Variants in NT5DC1 observed in about 807,000 individuals in gnomAD.
NT5DC1 encodes 5'-nucleotidase domain containing 1.
A neutral mutation model predicts 59.4 loss-of-function variants in NT5DC1; 42 were observed. That is an observed-to-expected ratio of 0.71 (90% CI 0.55 to 0.92). The LOEUF (loss-of-function observed/expected upper bound fraction) is 0.92, where lower values mean the gene tolerates loss of function less well. Ranked by LOEUF, NT5DC1 falls within the 40% of genes least tolerant of loss-of-function variation. The pLI, the probability that NT5DC1 is intolerant of heterozygous loss-of-function variation, is 0.00. For synonymous variants in NT5DC1, 172 were observed against 188.1 expected, an observed-to-expected ratio of 0.91 and a Z score of 0.70; for missense variants, 501 against 537.1, an observed-to-expected ratio of 0.93 and a Z score of 0.66.
At chr6:116,157,373 G>T (rs950437257) in intron 6 of NT5DC1, among the ~76,000 whole-genome samples, 1 of 152,178 alleles carries the variant, frequency 6.6e-6, no homozygotes, top group Admixed American at 6.5e-5. Flanking sequence ...CCTTATTACA[G>T]TCTTTGGCCA....
rs530446914 is a variant in NT5DC1 at position 116,131,372 on chromosome 6, G to T, written c.529+13427G>T. 6.6e-5 allele frequency among the ~76,000 whole-genome samples: 10 copies of T among 152,182 alleles called. 1 individual carries two copies. The South Asian group carries it at 2.1e-3, about 32-fold the overall frequency. ...GTAACTATTTTTAAAACATTGTTTT[G>T]ATTTATCCTTTTTATTAAAAAATGT... On this transcript the variant is annotated intron_variant, in intron 6 of 11. Coordinates refer to ENST00000319550, the MANE Select transcript of NT5DC1 (RefSeq NM_152729.3).
At chr6:116,186,020 C>G (rs935594364) in intron 6 of NT5DC1, among the ~76,000 whole-genome samples, 1 of 151,982 alleles carries the variant, frequency 6.6e-6, no homozygotes, top group Non-Finnish European at 1.5e-5. Flanking sequence ...GGATTTCTTT[C>G]AAGATTTAGA....
At chr6:116,199,132 C>T (rs991813886) in intron 6 of NT5DC1, among the ~76,000 whole-genome samples, 4 of 151,974 alleles carry the variant, frequency 2.6e-5, no homozygotes, top group African/African-American at 9.7e-5. Flanking sequence ...GGAGCTAAAT[C>T]ACCCTCAGTC....
At chr6:116,209,306 G>A (rs1781525774) in intron 6 of NT5DC1, among the ~76,000 whole-genome samples, 1 of 151,894 alleles carries the variant, frequency 6.6e-6, no homozygotes, top group Non-Finnish European at 1.5e-5. Context: ...CTTGTGGGCT[G>A]TGGTTTGCCA....
chr6:116,230,868 A>C (rs1349318436), intron 8 of NT5DC1, among the ~76,000 whole-genome samples: 1 of 152,140 alleles, frequency 6.6e-6, no homozygotes, highest in Non-Finnish European at 1.5e-5. Flanking sequence ...TCTTTAGCAC[A>C]ATTCCAACAA....
chr6:116,118,612 T>C (rs1779014742), intron 6 of NT5DC1, among the ~76,000 whole-genome samples: 1 of 152,208 alleles, frequency 6.6e-6, no homozygotes, highest in African/African-American at 2.4e-5. Flanking sequence ...TAAAATGTAA[T>C]TCAAGCCATC....
At chr6:116,204,751 A>C (rs191109587) in intron 6 of NT5DC1, among the ~76,000 whole-genome samples, 85 of 152,138 alleles carry the variant, frequency 5.6e-4, no homozygotes, top group Admixed American at 1.8e-3. Flanking sequence ...GTTAAAAAGA[A>C]TGAAGCGTTT....
chr6:116,190,315 G>A lies in NT5DC1; in HGVS notation c.530-30739G>A, dbSNP rs186903892. Among the ~76,000 whole-genome samples the A allele has an allele frequency of 1.6e-3, 236 of 151,912 alleles. 1 individual carries two copies. The highest frequency in any genetic ancestry group is 4.3e-3 in the Admixed American group (66 of 15,226). ...AATACTGTCTTTTTCCTTAAAAAATGAGATTATTACCATATGATAAAAGGA... is the reference window on the plus strand; with the variant it reads ...AATACTGTCTTTTTCCTTAAAAAATAAGATTATTACCATATGATAAAAGGA... On this transcript the variant is annotated intron_variant, in intron 6 of 11. Transcript: ENST00000319550.
At chr6:116,112,684 G>C (rs1038884362) in intron 4 of NT5DC1, among the ~76,000 whole-genome samples, 2 of 152,102 alleles carry the variant, frequency 1.3e-5, no homozygotes, top group African/African-American at 4.8e-5. Flanking sequence ...TGTTGTATCT[G>C]GTGTTTCACC....
intron 6 of NT5DC1, among the ~76,000 whole-genome samples, chr6:116,202,422 C>CT (rs1582870946): frequency 2.6e-5 from 4 of 152,050 alleles, no homozygotes; most frequent in African/African-American, 2.4e-5. Context: ...TCGCCATACT[C>CT]TTTTTTAGGG....
chr6:116,107,540 TTTTTATTTTA>T (rs371049347), intron 2 of NT5DC1, among the ~76,000 whole-genome samples: 13,777 of 132,572 alleles, frequency 0.1, 1,211 homozygotes, highest in African/African-American at 0.25. Context: ...AGTGGTTTTC[TTTTTATTTTA>T]TTTTATTTTA....
intron 6 of NT5DC1, among the ~76,000 whole-genome samples, chr6:116,144,183 A>G (rs1445744509): frequency 6.6e-6 from 1 of 152,152 alleles, no homozygotes; most frequent in Non-Finnish European, 1.5e-5. Flanking sequence ...CAGTATGAAA[A>G]CAAACATATT....
intron 6 of NT5DC1, among the ~76,000 whole-genome samples, chr6:116,220,559 G>C (rs913296596): frequency 2.6e-5 from 4 of 152,172 alleles, no homozygotes; most frequent in African/African-American, 9.7e-5. Flanking sequence ...GGCTCCCCTA[G>C]TATAGATTCC....
At chr6:116,167,376 C>G (rs1382541290) in intron 6 of NT5DC1, among the ~76,000 whole-genome samples, 5 of 151,926 alleles carry the variant, frequency 3.3e-5, no homozygotes, top group Non-Finnish European at 7.4e-5. Context: ...CCACTGCCGG[C>G]TAATTTTTTG....
chr6:116,201,654 C>T (rs1422366698), intron 6 of NT5DC1, among the ~76,000 whole-genome samples: 1 of 151,904 alleles, frequency 6.6e-6, no homozygotes, highest in Non-Finnish European at 1.5e-5. Flanking sequence ...GTTTGACATC[C>T]CTTCCCACCC....
At chr6:116,117,731 A>T (rs1778994490) in intron 5 of NT5DC1, 130 bp from the exon 6 acceptor site, 2 of 600,880 alleles carry the variant, frequency 3.3e-6, no homozygotes, top group Non-Finnish European at 5.9e-6. Flanking sequence ...GTACCATTAT[A>T]AAATAAAAAA....
Position 116,100,975 on chromosome 6 carries a change from C to T in NT5DC1, c.45C>T (p.Phe15=), listed in dbSNP as rs963961817. 15 of 1,605,288 alleles carry T rather than the reference C, an allele frequency of 9.3e-6. No homozygotes were observed. The highest frequency in any genetic ancestry group is 1.4e-5 in the African/African-American group (1 of 73,262). ...FSLAACDVVG[F]DLDHTLCRYN... ...TGGCCGCCTGCGACGTGGTCGGATT[C>T]GACCTGGACCACACTCTGTGTCGCT... Residue 15 remains phenylalanine (F), a synonymous_variant, in exon 1 of 12, where the codon TTC becomes TTT. Coordinates refer to ENST00000319550, the MANE Select transcript of NT5DC1 (RefSeq NM_152729.3).
intron 2 of NT5DC1, among the ~76,000 whole-genome samples, chr6:116,107,791 C>G (rs1443969870): frequency 6.6e-6 from 1 of 152,012 alleles, no homozygotes; most frequent in East Asian, 1.9e-4. Flanking sequence ...CCAGGATGGT[C>G]TCGATCTCCT....
chr6:116,121,432 T>C, intron 6 of NT5DC1: 1 of 1,614,162 alleles, frequency 6.2e-7, no homozygotes, highest in East Asian at 2.2e-5. Context: ...CTGGCTGTCC[T>C]GGAACCCCAT....
Sources: gnomAD v4.1 joint callset for allele counts (sites outside exome capture counted in the v4.1 genomes callset) on GRCh38, gnomAD v4.1.1 for gene constraint, MANE v1.5 for transcripts, NCBI Gene and HGNC (gene_info 2026-07-23, HGNC 2026-07-21) for gene names.